The following HDAC9 variants were observed in gnomAD, a reference collection of about 807,000 sequenced individuals.
HDAC9 encodes the protein histone deacetylase 9.
Under a neutral mutation model 139.4 loss-of-function variants are expected in HDAC9, and 41 were observed. The observed-to-expected ratio is 0.29, with a 90% CI of 0.23 to 0.38. The LOEUF (loss-of-function observed/expected upper bound fraction) is 0.38, where lower values mean the gene tolerates loss of function less well. Ranked by LOEUF, HDAC9 falls within the 10% of genes least tolerant of loss-of-function variation. The pLI is 1.00. For missense variants in HDAC9, 1,147 were observed against 1,297.0 expected, an observed-to-expected ratio of 0.88 and a Z score of 1.78; for synonymous variants, 517 against 476.2, an observed-to-expected ratio of 1.09 and a Z score of -1.12.
intron 1 of HDAC9, chr7:18,430,454 C>T (rs894984954): frequency 3.3e-5 from 5 of 152,220 alleles, no homozygotes; most frequent in African/African-American, 1.2e-4. Context: ...AAACTCCTGG[C>T]TTCAAGTGAT....
At chr7:18,201,200 G>T (rs1221377701) in intron 2 of HDAC9, among the ~76,000 whole-genome samples, 1 of 152,064 alleles carries the variant, frequency 6.6e-6, no homozygotes, top group Non-Finnish European at 1.5e-5. Context: ...GTACCTCTGG[G>T]TAGTTTTCCT....
intron 22 of HDAC9, chr7:18,906,853 C>G (rs1270604749): frequency 6.6e-6 from 1 of 152,222 alleles, no homozygotes; most frequent in Non-Finnish European, 1.5e-5. Context: ...AATGTGATAA[C>G]AGCTGATATG....
intron 12 of HDAC9, among the ~76,000 whole-genome samples, chr7:18,688,378 A>T (rs1782432630): frequency 6.6e-6 from 1 of 151,870 alleles, no homozygotes; most frequent in Non-Finnish European, 1.5e-5. Context: ...ATATTTATAT[A>T]CAAATTTTAT....
Position 18,438,082 on chromosome 7 carries a change from A to T in HDAC9, c.-41-58180A>T, listed in dbSNP as rs181163542. ...TGGTATATATATAAAGTTTATATAT[A>T]TAATAAATTTATTAGTTGGCTAAAT... On this transcript the variant is annotated intron_variant, in intron 1 of 3. Coordinates refer to the HDAC9 transcript ENST00000413509. 1.7e-4 allele frequency among the ~76,000 whole-genome samples: 26 copies of T among 150,388 alleles called. No individual in the cohort carries two copies. In the East Asian group the frequency reaches 4.7e-3, roughly 27 times the overall value.
At chr7:18,756,498 C>G (rs954046724) in intron 14 of HDAC9, among the ~76,000 whole-genome samples, 4 of 152,176 alleles carry the variant, frequency 2.6e-5, no homozygotes, top group Non-Finnish European at 1.5e-5. Context: ...CCTGTTTGGC[C>G]TCAACCTCAG....
intron 17 of HDAC9, among the ~76,000 whole-genome samples, chr7:18,795,537 G>A (rs899340125): frequency 6.6e-6 from 1 of 152,174 alleles, no homozygotes; most frequent in African/African-American, 2.4e-5. Flanking sequence ...ATTTCAGTTT[G>A]CTTTGATGAA....
chr7:18,913,093 AG>A (rs1802880935), intron 22 of HDAC9, among the ~76,000 whole-genome samples: 1 of 152,126 alleles, frequency 6.6e-6, no homozygotes, highest in Admixed American at 6.6e-5. Flanking sequence ...AGAGGACTCT[AG>A]CATTTTTGAG....
Position 18,700,862 on chromosome 7 carries a change from C to A in HDAC9, c.1732-26718C>A, listed in dbSNP as rs564161198. ...CAGCTGGCAAGCACTTTTTAAGTGT[C>A]TGCTTCTGTTACTCCTGCTATTATC... On this transcript the variant is annotated intron_variant, in intron 12 of 25. Coordinates refer to ENST00000686413, the MANE Select transcript of HDAC9 (RefSeq NM_178425.4). Among the ~76,000 whole-genome samples, 15 of 152,276 alleles carry A rather than the reference C, an allele frequency of 9.9e-5. No individual in the cohort carries two copies. In the South Asian group the frequency reaches 2.1e-3, roughly 21 times the overall value.
chr7:18,761,063 T>C (rs1400943258), intron 14 of HDAC9, among the ~76,000 whole-genome samples: 1 of 152,250 alleles, frequency 6.6e-6, no homozygotes, highest in Non-Finnish European at 1.5e-5. Context: ...TACTTCAATA[T>C]TAACTTACAG....
chr7:18,270,910 TC>T (rs1004584499), intron 2 of HDAC9, among the ~76,000 whole-genome samples: 24 of 152,194 alleles, frequency 1.6e-4, no homozygotes, highest in African/African-American at 5.8e-4. Context: ...AACAAAATTT[TC>T]CCTTTAATTT....
chr7:18,383,749 C>T (rs1256506010), intron 1 of HDAC9, among the ~76,000 whole-genome samples: 5 of 151,226 alleles, frequency 3.3e-5, no homozygotes, highest in Admixed American at 2.6e-4. Flanking sequence ...AATTAGCCGG[C>T]GTGGTGGCGG....
At chr7:18,281,270 G>T (rs1797088111) in intron 2 of HDAC9, among the ~76,000 whole-genome samples, 2 of 152,300 alleles carry the variant, frequency 1.3e-5, no homozygotes, top group South Asian at 4.1e-4. Flanking sequence ...TTTTATCGTG[G>T]TATTAGTGAG....
At chr7:18,323,435 C>T (rs1164099732) in intron 1 of HDAC9, among the ~76,000 whole-genome samples, 1 of 152,132 alleles carries the variant, frequency 6.6e-6, no homozygotes, top group Non-Finnish European at 1.5e-5. Context: ...AAGGGATACA[C>T]ACCTCACCCA....
intron 21 of HDAC9, among the ~76,000 whole-genome samples, chr7:18,852,083 G>A (rs1388977829): frequency 1.3e-5 from 2 of 152,168 alleles, no homozygotes; most frequent in African/African-American, 4.8e-5. Flanking sequence ...TGCTTGATCA[G>A]TGTCTCAATT....
At chr7:18,638,342 A>G (rs931547422) in intron 8 of HDAC9, among the ~76,000 whole-genome samples, 4 of 152,084 alleles carry the variant, frequency 2.6e-5, no homozygotes, top group African/African-American at 9.7e-5. Flanking sequence ...CTATCTTGTA[A>G]TTCACATGTC....
At chr7:18,739,277 C>T (rs1380258233) in intron 13 of HDAC9, among the ~76,000 whole-genome samples, 1 of 152,208 alleles carries the variant, frequency 6.6e-6, no homozygotes, top group East Asian at 1.9e-4. Flanking sequence ...CTTGACAAAT[C>T]ATTCTCCATC....
intron 1 of HDAC9, among the ~76,000 whole-genome samples, chr7:18,377,651 G>A (rs187697333): frequency 2.6e-4 from 39 of 152,238 alleles, no homozygotes; most frequent in Admixed American, 3.3e-4. Flanking sequence ...TTAAATAGCA[G>A]CCTCCAGAGT....
At chr7:18,626,462 C>T (rs750572797) in intron 6 of HDAC9, among the ~76,000 whole-genome samples, 2 of 152,296 alleles carry the variant, frequency 1.3e-5, no homozygotes, top group African/African-American at 4.8e-5. Flanking sequence ...AAGAAAATCC[C>T]TCCAACATCC....
chr7:18,384,755 T>C (rs1015757637), intron 1 of HDAC9, among the ~76,000 whole-genome samples: 4 of 151,360 alleles, frequency 2.6e-5, no homozygotes, highest in South Asian at 2.1e-4. Flanking sequence ...GATGTCAGGA[T>C]TGGGGAGAAA....
Sources: gnomAD v4.1 joint callset for allele counts (sites outside exome capture counted in the v4.1 genomes callset) on GRCh38, gnomAD v4.1.1 for gene constraint, MANE v1.5 for transcripts, NCBI Gene and HGNC (gene_info 2026-07-23, HGNC 2026-07-21) for gene names.